DACH2: variants seen among roughly 807,000 people sequenced by gnomAD.
The protein encoded by DACH2 is dachshund family transcription factor 2.
A neutral mutation model predicts 35.8 loss-of-function variants in DACH2; 17 were observed. The ratio of observed to expected loss-of-function variants is 0.48; its 90% CI spans 0.33 to 0.71. The LOEUF (loss-of-function observed/expected upper bound fraction) is 0.71, where lower values mean the gene tolerates loss of function less well. Ranked by LOEUF, DACH2 falls within the 30% of genes least tolerant of loss-of-function variation. DACH2 has a pLI of 0.02. For missense variants in DACH2, 469 were observed against 472.7 expected (o/e 0.99, Z 0.07); for synonymous variants, 195 against 177.3 (o/e 1.10, Z -0.79).
intron 3 of DACH2, among the ~76,000 whole-genome samples, chrX:86,620,120 GCTAA>G (rs932343394): frequency 4.5e-5 from 5 of 112,016 alleles, no homozygotes; most frequent in African/African-American, 1.6e-4. Flanking sequence ...ATTTAAAGTG[GCTAA>G]CTTTTATTTT....
intron 1 of DACH2, among the ~76,000 whole-genome samples, chrX:86,154,844 A>G (rs976199622): frequency 9.0e-6 from 1 of 111,569 alleles, no homozygotes; most frequent in East Asian, 2.8e-4. Flanking sequence ...TGAAGCTTTT[A>G]AAGTGGCGGC....
At chrX:86,316,736 G>T (rs1287065619) in intron 1 of DACH2, among the ~76,000 whole-genome samples, 3 of 110,926 alleles carry the variant, frequency 2.7e-5, no homozygotes, top group African/African-American at 9.8e-5. Flanking sequence ...GACGTAAATG[G>T]CATTTTCATT....
At chrX:86,588,392 C>A (rs1602674536) in intron 3 of DACH2, among the ~76,000 whole-genome samples, 1 of 111,475 alleles carries the variant, frequency 9.0e-6, no homozygotes, top group East Asian at 2.8e-4. Context: ...TTTTCTAATT[C>A]TGCAAAAAGT....
chrX:86,662,443 C>CA (rs1308236831), intron 4 of DACH2, among the ~76,000 whole-genome samples: 1 of 110,858 alleles, frequency 9.0e-6, no homozygotes, highest in African/African-American at 3.3e-5. Flanking sequence ...ACTAAAAATA[C>CA]AAAAAATTAG....
At chrX:86,634,231 A>C (rs1816608531) in intron 3 of DACH2, among the ~76,000 whole-genome samples, 1 of 111,425 alleles carries the variant, frequency 9.0e-6, no homozygotes, top group Admixed American at 9.6e-5. Context: ...TCCCACCACC[A>C]CTTCCTCCAA....
At chrX:86,723,479 T>C (rs1288894906) in intron 6 of DACH2, among the ~76,000 whole-genome samples, 2 of 111,321 alleles carry the variant, frequency 1.8e-5, no homozygotes, top group Non-Finnish European at 3.8e-5. Context: ...CTCATTGGTT[T>C]TGATATGTAG....
At chrX:86,443,504 A>ATT (rs112649268) in intron 2 of DACH2, among the ~76,000 whole-genome samples, 1 of 99,387 alleles carries the variant, frequency 1.0e-5, no homozygotes, top group Non-Finnish European at 2.0e-5. Context: ...ATTTGAATGA[A>ATT]TTTTTTTTTT....
In DACH2 at chrX:86,339,679, A is replaced by G. The variant is rs763545641; in HGVS notation, c.489-37145A>G. 2.0e-3 allele frequency among the ~76,000 whole-genome samples: 226 copies of G among 111,721 alleles called. 2 individuals are homozygous for G. The highest frequency in any genetic ancestry group is 3.8e-3 in the Non-Finnish European group (201 of 53,109). On this transcript the variant is annotated intron_variant, in intron 1 of 11. Transcript: ENST00000373125. ...TTTCCCAACTCTGGCTTCAAAGTCTATACTCTTAATCCCTGCACCACACTG... is the reference window on the plus strand; with the variant it reads ...TTTCCCAACTCTGGCTTCAAAGTCTGTACTCTTAATCCCTGCACCACACTG...
At chrX:86,336,377 C>G (rs1334252454) in intron 1 of DACH2, among the ~76,000 whole-genome samples, 1 of 111,904 alleles carries the variant, frequency 8.9e-6, no homozygotes, top group African/African-American at 3.2e-5. Flanking sequence ...CTGTCTGGTC[C>G]TGGGCTTCCA....
chrX:86,254,805 TATAGAG>T (rs1358634340), intron 1 of DACH2, among the ~76,000 whole-genome samples: 23 of 60,775 alleles, frequency 3.8e-4, no homozygotes, highest in South Asian at 9.5e-4. Flanking sequence ...TATATATATA[TATAGAG>T]AGAGAGAGAG....
chrX:86,601,748 GGT>G (rs2039792506), intron 3 of DACH2, among the ~76,000 whole-genome samples: 1 of 112,083 alleles, frequency 8.9e-6, no homozygotes, highest in Non-Finnish European at 1.9e-5. Flanking sequence ...AAGAAACTGT[GGT>G]CTAGAGAGGT....
At chrX:86,274,367 G>T (rs1602343744) in intron 1 of DACH2, among the ~76,000 whole-genome samples, 2 of 108,064 alleles carry the variant, frequency 1.9e-5, no homozygotes. Flanking sequence ...TAGGCAAAAA[G>T]ATTTAGGGGC....
rs1252003816 is a variant in DACH2 at position 86,452,409 on chromosome X, T to C, written c.528-61870T>C. On this transcript the variant is annotated intron_variant, in intron 2 of 11. Coordinates refer to ENST00000373125, the MANE Select transcript of DACH2 (RefSeq NM_053281.3). ...GTTTCAGTAGAAATGGTGCTAGCTC[T>C]TCTTTGTACCTCTGGTAGTATTTGG... Among the ~76,000 whole-genome samples the C allele has an allele frequency of 3.6e-5, 4 of 111,603 alleles. No homozygotes were observed. The East Asian group carries it at 1.1e-3, about 32-fold the overall frequency.
intron 2 of DACH2, among the ~76,000 whole-genome samples, chrX:86,424,095 T>C (rs974563089): frequency 9.0e-6 from 1 of 110,952 alleles, no homozygotes; most frequent in Non-Finnish European, 1.9e-5. Flanking sequence ...AGCTCTGTAG[T>C]ATAGTTTGCA....
chrX:86,654,377 G>A (rs1246301191), intron 4 of DACH2, among the ~76,000 whole-genome samples: 2 of 109,910 alleles, frequency 1.8e-5, no homozygotes, highest in Non-Finnish European at 3.8e-5. Flanking sequence ...AATGGGAAGA[G>A]CAATTAAAGA....
intron 3 of DACH2, among the ~76,000 whole-genome samples, chrX:86,560,561 A>G (rs753339101): frequency 1.9e-5 from 2 of 103,560 alleles, no homozygotes; most frequent in East Asian, 3.1e-4. Context: ...ATATAGATCA[A>G]TGGAACAGAA....
chrX:86,813,081 A>T (rs1370736650), intron 8 of DACH2, 49 bp from the exon 9 acceptor site: 1 of 1,166,521 alleles, frequency 8.6e-7, no homozygotes, highest in African/African-American at 1.8e-5. Context: ...ATATTTGATA[A>T]ATTAAAACAG....
chrX:86,542,833 G>A (rs1157399715), intron 3 of DACH2, among the ~76,000 whole-genome samples: 1 of 111,738 alleles, frequency 8.9e-6, no homozygotes, highest in East Asian at 2.8e-4. Flanking sequence ...ATAATGCAAT[G>A]CAAGACTGTG....
At chrX:86,209,742 T>C (rs902693270) in intron 1 of DACH2, among the ~76,000 whole-genome samples, 9 of 111,390 alleles carry the variant, frequency 8.1e-5, no homozygotes, top group Non-Finnish European at 1.5e-4. Flanking sequence ...ACCACTTGTG[T>C]ATCATGGTCC....
Sources: gnomAD v4.1 joint callset for allele counts (sites outside exome capture counted in the v4.1 genomes callset) on GRCh38, gnomAD v4.1.1 for gene constraint, MANE v1.5 for transcripts, NCBI Gene and HGNC (gene_info 2026-07-23, HGNC 2026-07-21) for gene names.